Variants in DENND1A observed in about 807,000 individuals in gnomAD.
DENND1A encodes the protein DENN domain containing 1A, also known as DENN domain-containing protein 1A.
In DENND1A, 51 loss-of-function variants were observed where a neutral mutation model predicts 113.7. That is an observed-to-expected ratio of 0.45 (90% CI 0.36 to 0.57). The LOEUF is 0.57. Among genes scored for constraint, DENND1A ranks in the 20% least tolerant of loss-of-function variants. DENND1A has a pLI of 0.00. For synonymous variants in DENND1A, 565 were observed against 570.8 expected, an observed-to-expected ratio of 0.99 and a Z score of 0.14; for missense variants, 1,258 against 1,395.9, an observed-to-expected ratio of 0.90 and a Z score of 1.57.
In DENND1A at chr9:123,395,468, C is replaced by CTCTCTCTCTGTGTGTG. The variant is rs367751848; in HGVS notation, c.1632-7611_1632-7610insCACACACAGAGAGAGA. Among the ~76,000 whole-genome samples, 1,146 of 142,968 alleles carry CTCTCTCTCTGTGTGTG rather than the reference C, an allele frequency of 8.0e-3. 13 individuals are homozygous for CTCTCTCTCTGTGTGTG. The highest frequency in any genetic ancestry group is 0.029 in the African/African-American group (1,062 of 36,806). The allele number at this position is 142,968 out of a possible 152,430, so 93.8% of individuals were successfully genotyped here. A position where few individuals can be genotyped will look rare whatever the true frequency, so the allele number is the denominator to read the frequency against. On this transcript the variant is annotated intron_variant, in intron 21 of 23. Transcript: ENST00000394215. ...AGGGCCCAGAATCTACTCTCTCTCT[C>CTCTCTCTCTGTGTGTG]TGTGTGTGTGTGTGTGTGTGTGTGT... is the stretch of plus-strand genomic sequence containing the variant.
intron 11 of DENND1A, among the ~76,000 whole-genome samples, chr9:123,598,341 A>G (rs1313893974): frequency 6.6e-6 from 1 of 152,016 alleles, no homozygotes. Context: ...AGCAGTGCAT[A>G]ATGATGTCAT....
chr9:123,693,635 T>C (rs1388436688), intron 5 of DENND1A, among the ~76,000 whole-genome samples: 1 of 152,050 alleles, frequency 6.6e-6, no homozygotes, highest in East Asian at 1.9e-4. Context: ...CCCTGACTGC[T>C]GACCAATGAA....
chr9:123,862,553 G>C (rs1251771249), intron 2 of DENND1A, among the ~76,000 whole-genome samples: 1 of 152,202 alleles, frequency 6.6e-6, no homozygotes, highest in African/African-American at 2.4e-5. Flanking sequence ...ATTCACCACA[G>C]AGCAAAACAC....
At chr9:123,688,604 T>A (rs770019052) in intron 5 of DENND1A, among the ~76,000 whole-genome samples, 8 of 152,116 alleles carry the variant, frequency 5.3e-5, no homozygotes, top group Non-Finnish European at 8.8e-5. Flanking sequence ...TGATGCGCAT[T>A]CCTTCTGTAC....
intron 12 of DENND1A, among the ~76,000 whole-genome samples, chr9:123,568,424 T>C (rs1171937592): frequency 2.0e-5 from 3 of 152,238 alleles, no homozygotes; most frequent in East Asian, 1.9e-4. Flanking sequence ...GCCTAATCGA[T>C]GGTGACTATT....
intron 18 of DENND1A, among the ~76,000 whole-genome samples, chr9:123,442,698 TGTA>T (rs1360401852): frequency 7.4e-4 from 113 of 152,312 alleles, no homozygotes; most frequent in African/African-American, 2.4e-3. Context: ...GAACAATTCA[TGTA>T]GTAGTTTTGG....
intron 13 of DENND1A, among the ~76,000 whole-genome samples, chr9:123,544,897 G>C (rs1290994264): frequency 1.3e-5 from 2 of 152,132 alleles, no homozygotes; most frequent in Non-Finnish European, 2.9e-5. Context: ...AGGAGATCAA[G>C]ACCATCCTGG....
chr9:123,862,812 C>T (rs1277161700), intron 2 of DENND1A, among the ~76,000 whole-genome samples: 1 of 152,078 alleles, frequency 6.6e-6, no homozygotes, highest in African/African-American at 2.4e-5. Context: ...TTTAAAGGAG[C>T]TGATTTATAT....
intron 21 of DENND1A, chr9:123,402,488 T>A: frequency 1.9e-6 from 1 of 534,726 alleles, no homozygotes; most frequent in Non-Finnish European, 3.8e-6. Flanking sequence ...TCTTTCCCAT[T>A]TTCTGAGAGC....
intron 21 of DENND1A, chr9:123,401,000 A>C (rs566004947): frequency 1.1e-4 from 17 of 152,294 alleles, no homozygotes; most frequent in Admixed American, 9.8e-4. Flanking sequence ...GTGGAGATGA[A>C]GATCTGTGAT....
intron 13 of DENND1A, among the ~76,000 whole-genome samples, chr9:123,521,171 G>A (rs1032494407): frequency 1.3e-5 from 2 of 152,116 alleles, no homozygotes; most frequent in African/African-American, 2.4e-5. Flanking sequence ...CCCATGCTAC[G>A]CTTCTGCCTT....
intron 19 of DENND1A, among the ~76,000 whole-genome samples, chr9:123,439,011 T>G (rs1367132468): frequency 1.3e-5 from 2 of 152,144 alleles, no homozygotes; most frequent in African/African-American, 4.8e-5. Flanking sequence ...TGTGCAGGAA[T>G]GAGGACAAAG....
chr9:123,591,132 T>C (rs755926218), intron 11 of DENND1A, among the ~76,000 whole-genome samples: 1 of 152,210 alleles, frequency 6.6e-6, no homozygotes, highest in African/African-American at 2.4e-5. Context: ...CTATCTTTGG[T>C]GTCTTTTCTG....
At chr9:123,504,510 A>C (rs1410695991) in intron 13 of DENND1A, among the ~76,000 whole-genome samples, 1 of 152,232 alleles carries the variant, frequency 6.6e-6, no homozygotes, top group Non-Finnish European at 1.5e-5. Flanking sequence ...TAAATGTCTT[A>C]GGTTTTATAC....
Position 123,387,748 on chromosome 9 carries a change from A to G in DENND1A, c.1742T>C (p.Phe581Ser). 7.8e-7 allele frequency: 1 copy of G among 1,289,854 alleles called. No homozygotes were observed. 79.9% of individuals were successfully genotyped at this position (1,289,854 alleles called of 1,614,324 possible). ...PSSGFTESFFFSAPFEWPQPY... is the reference protein window; with the variant it reads ...PSSGFTESFFSSAPFEWPQPY... ...GAGAGACCATTCAAAGGGAGCGGAGAAGAAAAAGCTCTCGGTGAAGCCAGA... is the reference window on the plus strand; with the variant it reads ...GAGAGACCATTCAAAGGGAGCGGAGGAGAAAAAGCTCTCGGTGAAGCCAGA... The change falls in exon 22 of 24, where the codon TTC (phenylalanine) becomes TCC (serine). Residue 581 changes from phenylalanine (F) to serine (S), a missense_variant. By Grantham distance (155) the Phe-to-Ser change is radical (BLOSUM62 -2). Coordinates refer to ENST00000394215, the MANE Select transcript of DENND1A (RefSeq NM_001352964.2).
chr9:123,580,423 T>C (rs2058833804), intron 12 of DENND1A, among the ~76,000 whole-genome samples: 1 of 152,278 alleles, frequency 6.6e-6, no homozygotes, highest in African/African-American at 2.4e-5. Context: ...TTGACATATC[T>C]GTTTCCTTTA....
chr9:123,768,093 C>T (rs1207222765), intron 4 of DENND1A, among the ~76,000 whole-genome samples: 1 of 152,082 alleles, frequency 6.6e-6, no homozygotes, highest in Non-Finnish European at 1.5e-5. Flanking sequence ...AAAGAAGAGA[C>T]AAGACGACTC....
intron 4 of DENND1A, among the ~76,000 whole-genome samples, chr9:123,761,272 A>G (rs1443978242): frequency 6.6e-6 from 1 of 152,210 alleles, no homozygotes; most frequent in Non-Finnish European, 1.5e-5. Flanking sequence ...GAGTTTCTTC[A>G]CCTGGAATAA....
chr9:123,766,002 T>C (rs1589993958), intron 4 of DENND1A, among the ~76,000 whole-genome samples: 1 of 152,282 alleles, frequency 6.6e-6, no homozygotes. Flanking sequence ...CCAGATGAAT[T>C]TCAGTTTTAA....
Sources: allele counts gnomAD v4.1 joint callset (sites outside exome capture counted in the v4.1 genomes callset), GRCh38; gene constraint gnomAD v4.1.1; transcripts MANE v1.5; gene names NCBI Gene and HGNC (gene_info 2026-07-23, HGNC 2026-07-21).